Variants in CNTNAP5 observed in about 807,000 individuals in gnomAD.
The protein encoded by CNTNAP5 is contactin associated protein family member 5.
In CNTNAP5, 72 loss-of-function variants were observed where a neutral mutation model predicts 150.2. The observed-to-expected ratio is 0.48, with a 90% confidence interval of 0.40 to 0.58. The LOEUF (loss-of-function observed/expected upper bound fraction) is 0.58, where lower values mean the gene tolerates loss of function less well. Among genes scored for constraint, CNTNAP5 ranks in the 20% least tolerant of loss-of-function variants. The pLI, the probability that CNTNAP5 is intolerant of heterozygous loss-of-function variation, is 0.00. For missense variants in CNTNAP5, 1,636 were observed against 1,626.2 expected, an observed-to-expected ratio of 1.01 and a Z score of -0.10; for synonymous variants, 672 against 619.8, an observed-to-expected ratio of 1.08 and a Z score of -1.25.
chr2:124,526,256 G>A (rs1489870818), intron 9 of CNTNAP5, among the ~76,000 whole-genome samples: 1 of 152,160 alleles, frequency 6.6e-6, no homozygotes, highest in African/African-American at 2.4e-5. Flanking sequence ...CGCGTAGACT[G>A]TAAACTTAAG....
At chr2:124,055,451 C>T (rs1681819613) in intron 1 of CNTNAP5, among the ~76,000 whole-genome samples, 1 of 152,076 alleles carries the variant, frequency 6.6e-6, no homozygotes, top group Admixed American at 6.5e-5. Flanking sequence ...GCTTTCTTCC[C>T]CTTCTCTGCC....
intron 1 of CNTNAP5, among the ~76,000 whole-genome samples, chr2:124,192,043 C>A (rs1350007260): frequency 6.6e-6 from 1 of 152,208 alleles, no homozygotes; most frequent in East Asian, 1.9e-4. Flanking sequence ...AGCCTGTGTT[C>A]TTTCATTCCC....
intron 18 of CNTNAP5, among the ~76,000 whole-genome samples, chr2:124,794,156 CT>C (rs1224813383): frequency 6.6e-6 from 1 of 152,180 alleles, no homozygotes; most frequent in African/African-American, 2.4e-5. Context: ...GTGCTACTAC[CT>C]TCTCTTGTTT....
At chr2:124,907,030 G>A (rs897436787) in intron 22 of CNTNAP5, among the ~76,000 whole-genome samples, 5 of 152,060 alleles carry the variant, frequency 3.3e-5, no homozygotes, top group African/African-American at 1.2e-4. Context: ...GTGTGTCATT[G>A]GATGCCCGGC....
chr2:124,221,741 C>A lies in CNTNAP5; in HGVS notation c.119C>A (p.Pro40Gln). ...GATCCACTAGCATCCCTGCTCTCTC[C>A]AATGGCTTTTTCCAGTTCCTCAGAC... ...CDDPLASLLS[P>Q]MAFSSSSDLT... is the part of the protein sequence containing the mutation. The change falls in exon 2 of 24, where the codon CCA becomes CAA. Residue 40 changes from proline (P) to glutamine (Q), a missense_variant. Physicochemically the swap from Pro to Gln is moderately conservative, Grantham distance 76. Coordinates refer to ENST00000682447, the MANE Select transcript of CNTNAP5 (RefSeq NM_001367498.1). The A allele has an allele frequency of 6.2e-7, 1 of 1,611,844 alleles. No homozygotes were observed. The highest frequency in any genetic ancestry group is 2.2e-5 in the East Asian group (1 of 44,772).
chr2:124,495,040 C>T lies in CNTNAP5; in HGVS notation c.1063-9252C>T, dbSNP rs75181319. Among the ~76,000 whole-genome samples the T allele has an allele frequency of 6.6e-3, 1,010 of 152,040 alleles. 47 individuals carry two copies. In the East Asian group the frequency reaches 0.14, roughly 20 times the overall value. On this transcript the variant is annotated intron_variant, in intron 7 of 23. Coordinates refer to ENST00000682447, the MANE Select transcript of CNTNAP5 (RefSeq NM_001367498.1). ...TTAGTATATTAGTCATGGTCCTATG[C>T]CTACATATTTATATGGGTATATTTC... is the stretch of plus-strand genomic sequence containing the variant.
At chr2:124,390,812 G>T (rs537356795) in intron 3 of CNTNAP5, among the ~76,000 whole-genome samples, 1 of 152,262 alleles carries the variant, frequency 6.6e-6, no homozygotes, top group East Asian at 1.9e-4. Flanking sequence ...TACACTGTGT[G>T]ATACAATATA....
intron 1 of CNTNAP5, among the ~76,000 whole-genome samples, chr2:124,193,016 T>C (rs1348263454): frequency 6.6e-6 from 1 of 152,190 alleles, no homozygotes; most frequent in Non-Finnish European, 1.5e-5. Context: ...GCTTCAGGTC[T>C]TCTCTGGCTT....
At chr2:124,423,847 G>A (rs1692177534) in intron 4 of CNTNAP5, among the ~76,000 whole-genome samples, 1 of 142,762 alleles carries the variant, frequency 7.0e-6, no homozygotes, top group Non-Finnish European at 1.5e-5. Flanking sequence ...TGTATTTTTA[G>A]TAGAGACGGG....
intron 7 of CNTNAP5, among the ~76,000 whole-genome samples, chr2:124,501,932 A>G (rs1305693390): frequency 6.6e-6 from 1 of 152,150 alleles, no homozygotes; most frequent in Non-Finnish European, 1.5e-5. Flanking sequence ...CGCTAAAGAC[A>G]AAGAAGTTTT....
chr2:124,216,362 T>G (rs1036853265), intron 1 of CNTNAP5, among the ~76,000 whole-genome samples: 1 of 152,028 alleles, frequency 6.6e-6, no homozygotes, highest in Non-Finnish European at 1.5e-5. Context: ...GCATCAGAGT[T>G]TTTTTTTAAG....
intron 3 of CNTNAP5, among the ~76,000 whole-genome samples, chr2:124,403,686 C>G (rs190622089): frequency 6.6e-6 from 1 of 152,094 alleles, no homozygotes; most frequent in African/African-American, 2.4e-5. Context: ...AATTACAGTC[C>G]GGGTGCCTTG....
chr2:124,248,804 G>A lies in CNTNAP5; in HGVS notation c.381+6411G>A, dbSNP rs561142029. 9.2e-5 allele frequency among the ~76,000 whole-genome samples: 14 copies of A among 152,242 alleles called. 1 individual carries two copies. The South Asian group carries it at 2.7e-3, about 29-fold the overall frequency. On this transcript the variant is annotated intron_variant, in intron 3 of 23. Coordinates refer to ENST00000682447, the MANE Select transcript of CNTNAP5 (RefSeq NM_001367498.1). ...TCAGGATTAATATTCATATGGACACGTTCTAGGGGAGACCAGATGTTTGCA... is the reference window on the plus strand; with the variant it reads ...TCAGGATTAATATTCATATGGACACATTCTAGGGGAGACCAGATGTTTGCA...
At chr2:124,552,667 A>G (rs1218359826) in intron 10 of CNTNAP5, among the ~76,000 whole-genome samples, 8 of 152,202 alleles carry the variant, frequency 5.3e-5, no homozygotes, top group Non-Finnish European at 5.9e-5. Context: ...GTGTGTGTAT[A>G]TATGTGTGTG....
intron 10 of CNTNAP5, among the ~76,000 whole-genome samples, chr2:124,532,824 G>C (rs963157910): frequency 6.6e-6 from 1 of 152,212 alleles, no homozygotes; most frequent in South Asian, 2.1e-4. Flanking sequence ...GAGTGTGCGA[G>C]AAGTCAGGTG....
Position 124,764,030 on chromosome 2 carries a change from C to T in CNTNAP5, c.2416C>T (p.Pro806Ser). The T allele has an allele frequency of 6.2e-7, 1 of 1,613,362 alleles. No homozygotes were observed. Among genetic ancestry groups the T allele is most frequent in the Non-Finnish European group, 8.5e-7 (1 of 1,179,466 alleles). ...FYTEASYLHFPTFHAEFSADI... is the reference protein window; with the variant it reads ...FYTEASYLHFSTFHAEFSADI... ...TACAGAAGCCTCTTACCTCCACTTT[C>T]CTACCTTCCATGCGGAATTCAGTGC... Residue 806 changes from proline to serine, a missense_variant, in exon 16 of 24, where the codon CCT becomes TCT. Transcript: ENST00000682447.
chr2:124,319,682 T>C (rs1270420074), intron 3 of CNTNAP5, among the ~76,000 whole-genome samples: 1 of 152,132 alleles, frequency 6.6e-6, no homozygotes, highest in East Asian at 1.9e-4. Flanking sequence ...TAATTCTTCG[T>C]GGGGGCAAGC....
chr2:124,908,167 T>TTGAG (rs1284191910), intron 22 of CNTNAP5, among the ~76,000 whole-genome samples: 1 of 151,882 alleles, frequency 6.6e-6, no homozygotes, highest in Non-Finnish European at 1.5e-5. Flanking sequence ...GGTGAGGAGT[T>TTGAG]TGAGACCAGC....
chr2:124,292,053 G>A (rs1040157811), intron 3 of CNTNAP5, among the ~76,000 whole-genome samples: 1 of 152,078 alleles, frequency 6.6e-6, no homozygotes, highest in East Asian at 1.9e-4. Flanking sequence ...ATCATATGAG[G>A]ACCAACAGTG....
Sources: allele counts gnomAD v4.1 joint callset (sites outside exome capture counted in the v4.1 genomes callset), GRCh38; gene constraint gnomAD v4.1.1; transcripts MANE v1.5; gene names NCBI Gene and HGNC (gene_info 2026-07-23, HGNC 2026-07-21).